PSMD4: variants seen among roughly 807,000 people sequenced by gnomAD.
PSMD4 encodes the protein proteasome 26S subunit ubiquitin receptor, non-ATPase 4.
In PSMD4, 5 loss-of-function variants were observed where a neutral mutation model predicts 39.7. That is an observed-to-expected ratio of 0.13 (90% confidence interval 0.07 to 0.26). PSMD4 has a LOEUF of 0.26. Ranked by LOEUF, PSMD4 falls within the 10% of genes least tolerant of loss-of-function variation. PSMD4 has a pLI of 1.00. For synonymous variants in PSMD4, 143 were observed against 174.6 expected, an observed-to-expected ratio of 0.82 and a Z score of 1.43; for missense variants, 272 against 486.1, an observed-to-expected ratio of 0.56 and a Z score of 4.14.
At chr1:151,257,121 G>C (rs1295801960) in intron 1 of PSMD4, among the ~76,000 whole-genome samples, 1 of 152,194 alleles carries the variant, frequency 6.6e-6, no homozygotes, top group African/African-American at 2.4e-5. Flanking sequence ...TTTGTGTATG[G>C]TATAAGAAAG....
At chr1:151,263,706 C>A in intron 2 of PSMD4, 1 of 332,144 alleles carries the variant, frequency 3.0e-6, no homozygotes, top group Non-Finnish European at 5.6e-6. Flanking sequence ...TAGTGGGTGC[C>A]CGTAGTCCCA....
intron 3 of PSMD4, 84 bp from the exon 4 acceptor site, chr1:151,264,748 G>T: frequency 8.8e-7 from 1 of 1,133,678 alleles, no homozygotes; most frequent in South Asian, 1.3e-5. Context: ...CAAAGAAACT[G>T]TAAGAAAAAG....
At chr1:151,261,176 TTTTC>T (rs1389629763) in intron 1 of PSMD4, among the ~76,000 whole-genome samples, 5 of 149,796 alleles carry the variant, frequency 3.3e-5, no homozygotes, top group African/African-American at 1.2e-4. Flanking sequence ...TTTTTTTTCT[TTTTC>T]TTTTTTTTTT....
At chr1:151,255,430 C>A (rs973113886) in intron 1 of PSMD4, among the ~76,000 whole-genome samples, 19 of 152,108 alleles carry the variant, frequency 1.2e-4, no homozygotes, top group African/African-American at 4.6e-4. Context: ...GATTTAAACC[C>A]ACGGCTGTCT....
intron 6 of PSMD4, 102 bp downstream of exon 6, chr1:151,265,711 T>A: frequency 8.0e-7 from 1 of 1,254,120 alleles, no homozygotes; most frequent in Non-Finnish European, 1.1e-6. Flanking sequence ...TCCTAGACAC[T>A]ACCAATCACT....
In PSMD4 at chr1:151,264,819, C is replaced by G. The variant is rs762443111; in HGVS notation, c.283-13C>G. On this transcript the variant is annotated splice_polypyrimidine_tract_variant and intron_variant, in intron 3 of 9. Transcript: ENST00000368884. ...CTCTGGTTAACTCTGAGAACTTCCT[C>G]TCCCTTTACAAGCTGGCTCTGAAGC... 8.8e-6 allele frequency: 14 copies of G among 1,599,460 alleles called. No homozygotes were observed. The highest frequency in any genetic ancestry group is 1.7e-4 in the Middle Eastern group (1 of 6,040).
In PSMD4 at chr1:151,254,766, G is replaced by T; in HGVS notation, c.-17G>T. The T allele has an allele frequency of 6.4e-7, 1 of 1,561,422 alleles. No homozygotes were observed. Among genetic ancestry groups the T allele is most frequent in the East Asian group, 2.5e-5 (1 of 40,754 alleles). ...GGCCGTCCCGGAGACCCGGTCGGGAGGGAGGAAGGTGGCAAGATGGTGTTG... is the reference window on the plus strand; with the variant it reads ...GGCCGTCCCGGAGACCCGGTCGGGATGGAGGAAGGTGGCAAGATGGTGTTG... On this transcript the variant is annotated 5_prime_UTR_variant, in exon 1 of 10. The change creates a new upstream start codon in the 5' untranslated region. Coordinates refer to ENST00000368884, the MANE Select transcript of PSMD4 (RefSeq NM_002810.4).
intron 1 of PSMD4, among the ~76,000 whole-genome samples, chr1:151,257,961 T>C (rs1243221119): frequency 1.3e-5 from 2 of 152,122 alleles, no homozygotes; most frequent in African/African-American, 4.8e-5. Context: ...AGCGGTATTT[T>C]GTAATTCTCA....
intron 1 of PSMD4, among the ~76,000 whole-genome samples, chr1:151,261,811 G>T (rs1203581285): frequency 6.6e-6 from 1 of 151,886 alleles, no homozygotes; most frequent in Non-Finnish European, 1.5e-5. Flanking sequence ...TTAAAAGGTA[G>T]CTGCGTGGTG....
chr1:151,265,493 G>A lies in PSMD4; in HGVS notation c.538G>A (p.Ala180Thr). The change falls in exon 6 of 10, where the codon GCT (alanine) becomes ACT (threonine). Residue 180 changes from alanine to threonine, a missense_variant. This residue lies in a region of PSMD4 where 153 missense variants were observed against 257.6 expected (regional missense o/e 0.59). Coordinates refer to ENST00000368884, the MANE Select transcript of PSMD4 (RefSeq NM_002810.4). ...LVTVPPGPSL[A>T]DALISSPILA... is the part of the protein sequence containing the mutation. ...GACAGTGCCTCCTGGGCCCAGTTTG[G>A]CTGATGCTCTCATCAGTTCTCCGAT... 1 of 1,614,202 alleles carries A rather than the reference G, an allele frequency of 6.2e-7. No homozygotes were observed. Among genetic ancestry groups the A allele is most frequent in the Non-Finnish European group, 8.5e-7 (1 of 1,180,036 alleles).
intron 1 of PSMD4, among the ~76,000 whole-genome samples, chr1:151,258,124 A>G (rs1401562090): frequency 1.3e-5 from 2 of 151,714 alleles, no homozygotes; most frequent in Non-Finnish European, 2.9e-5. Flanking sequence ...CCCGGGTTCA[A>G]ATGATTCTCC....
At chr1:151,254,944 C>T in intron 1 of PSMD4, 136 bp downstream of exon 1, 1 of 1,102,984 alleles carries the variant, frequency 9.1e-7, no homozygotes, top group Non-Finnish European at 1.2e-6. Flanking sequence ...AAGGAGCCCG[C>T]TGGACTCCCT....
In PSMD4 at chr1:151,265,508, A is replaced by G. The variant is rs1179008211; in HGVS notation, c.553A>G (p.Ser185Gly). ...PGPSLADALI[S>G]SPILAGEGGA... ...GCCCAGTTTGGCTGATGCTCTCATC[A>G]GTTCTCCGATTTTGGCTGGTGAAGG... is the stretch of plus-strand genomic sequence containing the variant. The change falls in exon 6 of 10, where the codon AGT (serine) becomes GGT (glycine). Residue 185 changes from serine to glycine, a missense_variant. By Grantham distance (56) the Ser-to-Gly change is moderately conservative. Transcript: ENST00000368884. 1 of 1,614,172 alleles carries G rather than the reference A, an allele frequency of 6.2e-7. No individual in the cohort carries two copies. Among genetic ancestry groups the G allele is most frequent in the Admixed American group, 1.7e-5 (1 of 60,002 alleles).
chr1:151,256,775 C>G (rs373217882), intron 1 of PSMD4, among the ~76,000 whole-genome samples: 161 of 144,850 alleles, frequency 1.1e-3, no homozygotes, highest in African/African-American at 4.1e-3. Context: ...TCTTATTGCC[C>G]AGGCTGGAGT....
At chr1:151,258,666 G>C (rs1216288872) in intron 1 of PSMD4, among the ~76,000 whole-genome samples, 1 of 151,874 alleles carries the variant, frequency 6.6e-6, no homozygotes, top group East Asian at 1.9e-4. Context: ...TTGTCATATT[G>C]ATTAGGCTGG....
intron 1 of PSMD4, 64 bp downstream of exon 1, chr1:151,254,872 A>G: frequency 1.4e-5 from 12 of 885,924 alleles, no homozygotes; most frequent in African/African-American, 1.9e-5. Flanking sequence ...GCGCCAAGGC[A>G]GGGAGGGCCT....
At chr1:151,266,815 CCTGGGCAGTTCT>C (rs753032145) in intron 9 of PSMD4, 36 of 744,470 alleles carry the variant, frequency 4.8e-5, no homozygotes, top group Non-Finnish European at 7.8e-5. Context: ...GTGGGAGCAG[CCTGGGCAGTTCT>C]CTAGGATGTC....
chr1:151,266,056 G>A lies in PSMD4; in HGVS notation c.707G>A (p.Arg236Gln), dbSNP rs775646575. ...CGGCAGCGGCAGGAGGAGGAGGCCC[G>A]GCGGGCAGCTGCAGCTTCTGCTGCT... Reference protein sequence around the residue: ...EQRQRQEEEARRAAAASAAEA... With the variant: ...EQRQRQEEEAQRAAAASAAEA... Residue 236 changes from arginine (R) to glutamine (Q), a missense_variant, in exon 7 of 10, where the codon CGG (arginine) becomes CAG (glutamine). Coordinates refer to ENST00000368884, the MANE Select transcript of PSMD4 (RefSeq NM_002810.4). 12 of 1,607,228 alleles carry A rather than the reference G, an allele frequency of 7.5e-6. No homozygotes were observed. Among genetic ancestry groups the A allele is most frequent in the South Asian group, 6.7e-5 (6 of 90,010 alleles).
At chr1:151,261,941 C>T (rs1693329310) in intron 1 of PSMD4, among the ~76,000 whole-genome samples, 1 of 110,962 alleles carries the variant, frequency 9.0e-6, no homozygotes. Context: ...AGTGACAGAG[C>T]AAGACCCTAT....
Sources: gnomAD v4.1 joint callset for allele counts (sites outside exome capture counted in the v4.1 genomes callset) on GRCh38, gnomAD v4.1.1 for gene constraint, gnomAD v4.1.1 regional missense constraint, MANE v1.5 for transcripts, NCBI Gene and HGNC (gene_info 2026-07-23, HGNC 2026-07-21) for gene names.